Variants in SLC26A5 observed in about 807,000 individuals in gnomAD.
SLC26A5 encodes the protein solute carrier family 26 member 5, also known as prestin.
A neutral mutation model predicts 81.0 loss-of-function variants in SLC26A5; 51 were observed. That is an observed-to-expected ratio of 0.63 (90% CI 0.50 to 0.80). SLC26A5 has a LOEUF of 0.80. SLC26A5 is among the 30% of genes least tolerant of loss of function. The pLI, the probability that SLC26A5 is intolerant of heterozygous loss-of-function variation, is 0.00. For synonymous variants in SLC26A5, 325 were observed against 332.8 expected (o/e 0.98, Z 0.25); for missense variants, 771 against 905.8 (o/e 0.85, Z 1.91).
At chr7:103,444,708 G>A (rs1419857962) in intron 1 of SLC26A5, among the ~76,000 whole-genome samples, 1 of 152,222 alleles carries the variant, frequency 6.6e-6, no homozygotes, top group Non-Finnish European at 1.5e-5. Flanking sequence ...CTACATAAGA[G>A]AATTGGGGCT....
chr7:103,374,422 T>A lies in SLC26A5; in HGVS notation c.2212A>T (p.Thr738Ser), dbSNP rs200923483. 2 of 1,601,672 alleles carry A rather than the reference T, an allele frequency of 1.2e-6. No homozygotes were observed. Among genetic ancestry groups the A allele is most frequent in the African/African-American group, 2.7e-5 (2 of 74,434 alleles). Residue 738 changes from threonine (T) to serine (S), a missense_variant, in exon 20 of 20, where the codon ACT becomes TCT. Coordinates refer to ENST00000306312, the MANE Select transcript of SLC26A5 (RefSeq NM_198999.3). ...ATCTATGCCTCAGGAGTGGCAGGAG[T>A]GGCATTGGGCTCCAAGTCCTCCTGG... ...PSQEDLEPNA[T>S]PATPEA
intron 2 of SLC26A5, among the ~76,000 whole-genome samples, chr7:103,425,263 G>A (rs973174722): frequency 8.5e-5 from 13 of 152,114 alleles, no homozygotes; most frequent in Non-Finnish European, 1.8e-4. Context: ...AGCTAGATAG[G>A]TACTTGACAT....
intron 11 of SLC26A5, among the ~76,000 whole-genome samples, chr7:103,391,132 C>T (rs756920281): frequency 1.3e-5 from 2 of 152,072 alleles, no homozygotes; most frequent in Admixed American, 6.6e-5. Context: ...CAGAGTGCTG[C>T]GATTACAGGC....
intron 18 of SLC26A5, among the ~76,000 whole-genome samples, chr7:103,377,144 A>G (rs1821411823): frequency 6.6e-6 from 1 of 152,210 alleles, no homozygotes; most frequent in African/African-American, 2.4e-5. Context: ...TAATTTCAAA[A>G]TAAAAAACGA....
intron 2 of SLC26A5, among the ~76,000 whole-genome samples, chr7:103,422,504 A>G (rs745616084): frequency 1.3e-5 from 2 of 152,178 alleles, no homozygotes; most frequent in Non-Finnish European, 2.9e-5. Context: ...ATGTTATTAC[A>G]TATATTTGTA....
Position 103,392,899 on chromosome 7 carries a change from A to G in SLC26A5, c.1119+20T>C. 6.2e-7 allele frequency: 1 copy of G among 1,613,908 alleles called. No individual in the cohort carries two copies. On this transcript the variant is annotated intron_variant, in intron 10 of 19. Transcript: ENST00000306312. ...GATTGTACTGCTATGAAACATGTGC[A>G]GGAAACTGATTATCTTTACCTGATT...
intron 19 of SLC26A5, chr7:103,354,026 C>T: frequency 8.2e-7 from 1 of 1,214,980 alleles, no homozygotes; most frequent in South Asian, 1.5e-5. Flanking sequence ...TTGGTATTGT[C>T]CTTCCAAAAT....
chr7:103,426,587 C>T (rs919884210), intron 2 of SLC26A5, among the ~76,000 whole-genome samples: 3 of 152,132 alleles, frequency 2.0e-5, no homozygotes, highest in Non-Finnish European at 4.4e-5. Context: ...GAGATACTGG[C>T]ACCCTGGCTA....
chr7:103,380,620 G>A (rs1821700042), intron 14 of SLC26A5, 71 bp from the exon 15 acceptor site: 18 of 1,398,850 alleles, frequency 1.3e-5, no homozygotes, highest in Non-Finnish European at 1.8e-5. Flanking sequence ...GGTTGTGTAT[G>A]TTTATGTCAG....
Position 103,392,975 on chromosome 7 carries a change from T to C in SLC26A5, c.1063A>G (p.Ile355Val). The C allele has an allele frequency of 1.2e-6, 2 of 1,614,014 alleles. No homozygotes were observed. Among genetic ancestry groups the C allele is most frequent in the South Asian group, 1.1e-5 (1 of 91,074 alleles). ...AIAIVGFSVT[I>V]SMAKTLANKH... ...TTTGCTAAGGTCTTGGCCATGGAGATGGTCACTGAAAATCCAACGATGGCT... is the reference window on the plus strand; with the variant it reads ...TTTGCTAAGGTCTTGGCCATGGAGACGGTCACTGAAAATCCAACGATGGCT... The change falls in exon 10 of 20, where the codon ATC becomes GTC. Residue 355 changes from isoleucine (I) to valine (V), a missense_variant. By Grantham distance (29) the Ile-to-Val change is conservative. Coordinates refer to ENST00000306312, the MANE Select transcript of SLC26A5 (RefSeq NM_198999.3).
At chr7:103,390,315 A>G in intron 12 of SLC26A5, 114 bp downstream of exon 12, 1 of 988,282 alleles carries the variant, frequency 1.0e-6, no homozygotes, top group Non-Finnish European at 1.6e-6. Context: ...TTCTCATACC[A>G]TCCTGTGAGG....
At chr7:103,380,126 A>G (rs1444982180) in intron 15 of SLC26A5, among the ~76,000 whole-genome samples, 2 of 152,158 alleles carry the variant, frequency 1.3e-5, no homozygotes, top group Admixed American at 6.6e-5. Flanking sequence ...CCACAGCCCC[A>G]CCATCTACAT....
intron 19 of SLC26A5, among the ~76,000 whole-genome samples, chr7:103,355,514 G>A (rs1318192525): frequency 6.6e-6 from 1 of 151,970 alleles, no homozygotes; most frequent in African/African-American, 2.4e-5. Context: ...TTGAGAGAGG[G>A]TGGTGCTGCT....
intron 11 of SLC26A5, 53 bp downstream of exon 11, chr7:103,391,569 A>C: frequency 7.0e-7 from 1 of 1,435,106 alleles, no homozygotes; most frequent in Non-Finnish European, 9.8e-7. Context: ...CAAAAGATTA[A>C]AATTTAATTA....
chr7:103,397,068 C>T (rs973939254), intron 9 of SLC26A5, among the ~76,000 whole-genome samples: 1 of 149,750 alleles, frequency 6.7e-6, no homozygotes, highest in Non-Finnish European at 1.5e-5. Context: ...GCACTCCAGC[C>T]TGGGCAACAG....
intron 14 of SLC26A5, chr7:103,388,666 A>G (rs923977188): frequency 5.6e-6 from 2 of 356,346 alleles, no homozygotes; most frequent in African/African-American, 4.3e-5. Flanking sequence ...AACTCATGTC[A>G]GTACTTGGTG....
chr7:103,367,447 T>C lies in SLC26A5; in HGVS notation c.2041+9361A>G, dbSNP rs1301588772. On this transcript the variant is annotated intron_variant, in intron 19 of 19. Transcript: ENST00000339444. The surrounding 1 kb of genome is among the most constrained non-coding windows in gnomAD (Gnocchi z 6.1). ...TTGATGATGGTGCTGGAGGTGACAA[T>C]GAAGTGCAGAGAACAATGTTGGAAC... is the stretch of plus-strand genomic sequence containing the variant. 2.5e-6 allele frequency: 4 copies of C among 1,613,860 alleles called. No homozygotes were observed. The highest frequency in any genetic ancestry group is 3.4e-6 in the Non-Finnish European group (4 of 1,180,000).
At chr7:103,411,277 A>G (rs1165028521) in intron 6 of SLC26A5, 143 bp downstream of exon 6, 2 of 822,388 alleles carry the variant, frequency 2.4e-6, no homozygotes, top group Non-Finnish European at 3.9e-6. Flanking sequence ...TATGGCATGC[A>G]GTTGGTCTGC....
intron 2 of SLC26A5, among the ~76,000 whole-genome samples, chr7:103,422,144 G>A (rs1477434815): frequency 1.3e-5 from 2 of 152,122 alleles, no homozygotes; most frequent in South Asian, 2.1e-4. Flanking sequence ...ACATTGTCAT[G>A]TTTTTGATTA....
Sources: allele counts gnomAD v4.1 joint callset (sites outside exome capture counted in the v4.1 genomes callset), GRCh38; gene constraint gnomAD v4.1.1; non-coding constraint Gnocchi (gnomAD v3.1); transcripts MANE v1.5; gene names NCBI Gene and HGNC (gene_info 2026-07-23, HGNC 2026-07-21).